CLIP1: variants seen among roughly 807,000 people sequenced by gnomAD.
CLIP1 encodes CAP-Gly domain-containing linker protein 1.
CLIP1 carries 66 observed loss-of-function variants against 161.6 expected under a neutral mutation model. The observed-to-expected ratio is 0.41, with a 90% confidence interval of 0.33 to 0.50. The LOEUF is 0.50. Among genes scored for constraint, CLIP1 ranks in the 20% least tolerant of loss-of-function variants. CLIP1 has a pLI of 0.27. For missense variants in CLIP1, 1,376 were observed against 1,702.0 expected (o/e 0.81, Z 3.37); for synonymous variants, 598 against 626.2 (o/e 0.96, Z 0.67).
At chr12:122,377,988 G>A (rs752813765) in intron 2 of CLIP1, 28 bp from the exon 3 acceptor site, 10 of 1,547,466 alleles carry the variant, frequency 6.5e-6, no homozygotes, top group African/African-American at 4.2e-5. Flanking sequence ...TAAGAGATTC[G>A]ATTTAATTTT....
At chr12:122,404,527 G>T (rs1351745047) in intron 1 of CLIP1, among the ~76,000 whole-genome samples, 2 of 152,088 alleles carry the variant, frequency 1.3e-5, no homozygotes, top group South Asian at 4.1e-4. Flanking sequence ...TGAACCCGGG[G>T]AGGTGGAGGT....
chr12:122,297,143 A>T (rs761630945), intron 20 of CLIP1, among the ~76,000 whole-genome samples: 11 of 152,324 alleles, frequency 7.2e-5, no homozygotes, highest in South Asian at 4.1e-4. Context: ...TAGTTCGGGG[A>T]ACACTGGACT....
chr12:122,314,500 C>T (rs569739639), intron 19 of CLIP1, among the ~76,000 whole-genome samples: 1 of 152,114 alleles, frequency 6.6e-6, no homozygotes, highest in African/African-American at 2.4e-5. Flanking sequence ...CAACAAAAGA[C>T]TCGTAAGTAG....
At chr12:122,324,319 C>A (rs183963686) in intron 17 of CLIP1, 4 of 152,660 alleles carry the variant, frequency 2.6e-5, no homozygotes, top group African/African-American at 7.2e-5. Flanking sequence ...ATTTCAGACC[C>A]CTCAGCTCTT....
chr12:122,275,688 G>A (rs1353643914), intron 24 of CLIP1: 2 of 146,184 alleles, frequency 1.4e-5, no homozygotes, highest in African/African-American at 5.1e-5. Flanking sequence ...TGCATAAAAA[G>A]GTTAGTTCTT....
At chr12:122,387,343 T>C (rs1416723329) in intron 1 of CLIP1, among the ~76,000 whole-genome samples, 1 of 151,972 alleles carries the variant, frequency 6.6e-6, no homozygotes, top group Non-Finnish European at 1.5e-5. Context: ...CTTGCACTGA[T>C]GGTACAAAAG....
At chr12:122,338,395 T>C (rs1170947049) in intron 11 of CLIP1, among the ~76,000 whole-genome samples, 4 of 152,032 alleles carry the variant, frequency 2.6e-5, no homozygotes. Flanking sequence ...ATGCTTAAAG[T>C]AGTTTGACAT....
chr12:122,379,223 G>A (rs1451464884), intron 2 of CLIP1, among the ~76,000 whole-genome samples: 2 of 151,644 alleles, frequency 1.3e-5, no homozygotes, highest in Non-Finnish European at 2.9e-5. Flanking sequence ...CAGGAGAATC[G>A]CTTGAACCTG....
chr12:122,309,577 C>G (rs866912734), intron 20 of CLIP1, among the ~76,000 whole-genome samples, 185 bp downstream of exon 20: 1 of 152,184 alleles, frequency 6.6e-6, no homozygotes, highest in South Asian at 2.1e-4. Flanking sequence ...TGTCAAATCT[C>G]TCCTACCCTA....
intron 19 of CLIP1, among the ~76,000 whole-genome samples, chr12:122,314,289 T>G (rs1316392589): frequency 2.1e-5 from 1 of 48,112 alleles, no homozygotes. Context: ...AGACTCCATC[T>G]CAAAAAAAAA....
intron 1 of CLIP1, among the ~76,000 whole-genome samples, chr12:122,414,788 G>A (rs915940539): frequency 5.3e-5 from 8 of 151,914 alleles, no homozygotes; most frequent in Admixed American, 6.6e-5. Flanking sequence ...CAGTACCATC[G>A]GTCATTATGG....
At position 122,283,151 on chromosome 12, in the gene CLIP1, G is replaced by A. The variant is rs544716120; in HGVS notation, c.3648-4006C>T. ...GCCTAGAGAATGGAGCAACCAAACC[G>A]GCTCCCAAATCTGCATCAGGCTTCA... On this transcript the variant is annotated intron_variant, in intron 21 of 25. Transcript: ENST00000620786. 2.0e-4 allele frequency among the ~76,000 whole-genome samples: 30 copies of A among 152,076 alleles called. 1 individual carries two copies. Among genetic ancestry groups the A allele is most frequent in the Non-Finnish European group, 3.8e-4 (26 of 68,018 alleles).
chr12:122,326,077 T>C (rs777128628), intron 17 of CLIP1, among the ~76,000 whole-genome samples: 12 of 152,226 alleles, frequency 7.9e-5, no homozygotes, highest in Non-Finnish European at 1.5e-4. Context: ...CCTTGTTGAG[T>C]GCACACGTAA....
At chr12:122,403,939 C>G (rs1956229266) in intron 1 of CLIP1, among the ~76,000 whole-genome samples, 1 of 152,214 alleles carries the variant, frequency 6.6e-6, no homozygotes, top group Non-Finnish European at 1.5e-5. Context: ...CATGATGACA[C>G]TGTGTGACTG....
At chr12:122,340,641 A>G in intron 11 of CLIP1, 112 bp downstream of exon 11, 1 of 834,814 alleles carries the variant, frequency 1.2e-6, no homozygotes. Context: ...GACATCAAGC[A>G]ATTTAATTAA....
rs151199311 is a variant in CLIP1 at position 122,305,960 on chromosome 12, A to G, written c.3594+3802T>C. Among the ~76,000 whole-genome samples the G allele has an allele frequency of 7.2e-4, 109 of 151,352 alleles. No homozygotes were observed. The East Asian group carries it at 0.016, about 22-fold the overall frequency. ...GCACGCGCCTGTAGTCCCAGCTGCT[A>G]GGAAGGCTGAGGCATGAGAATCACT... On this transcript the variant is annotated intron_variant, in intron 20 of 25. Coordinates refer to ENST00000620786, the MANE Select transcript of CLIP1 (RefSeq NM_001247997.2).
Position 122,341,573 on chromosome 12 carries a change from A to G in CLIP1, c.1631T>C (p.Met544Thr). The G allele has an allele frequency of 6.2e-7, 1 of 1,613,964 alleles. No individual in the cohort carries two copies. The highest frequency in any genetic ancestry group is 8.5e-7 in the Non-Finnish European group (1 of 1,179,990). The change falls in exon 11 of 26, where the codon ATG (methionine) becomes ACG (threonine). Residue 544 changes from methionine to threonine, a missense_variant. Transcript: ENST00000620786. Reference sequence around the variant, plus strand: ...TATCTCTTGCAAAAGGGAAAGTGACATGTCCACATCCCCAGCAGGCTTATT... The same window carrying G: ...TATCTCTTGCAAAAGGGAAAGTGACGTGTCCACATCCCCAGCAGGCTTATT... ...ESNKPAGDVD[M>T]SLSLLQEISS...
At chr12:122,317,186 GAAATA>G (rs1429466916) in intron 18 of CLIP1, among the ~76,000 whole-genome samples, 1 of 152,108 alleles carries the variant, frequency 6.6e-6, no homozygotes, top group African/African-American at 2.4e-5. Context: ...TTAAAAACAA[GAAATA>G]AAATGCAAAG....
intron 20 of CLIP1, among the ~76,000 whole-genome samples, chr12:122,297,138 C>T (rs919130436): frequency 4.6e-5 from 7 of 152,216 alleles, no homozygotes; most frequent in Non-Finnish European, 8.8e-5. Context: ...AATCATAGTT[C>T]GGGGAACACT....
Sources: gnomAD v4.1 joint callset for allele counts (sites outside exome capture counted in the v4.1 genomes callset) on GRCh38, gnomAD v4.1.1 for gene constraint, MANE v1.5 for transcripts, NCBI Gene and HGNC (gene_info 2026-07-23, HGNC 2026-07-21) for gene names.